PTPRT: variants seen among roughly 807,000 people sequenced by gnomAD.
PTPRT encodes the protein protein tyrosine phosphatase receptor type T, also known as receptor-type tyrosine-protein phosphatase T.
A neutral mutation model predicts 176.8 loss-of-function variants in PTPRT; 56 were observed. That is an observed-to-expected ratio of 0.32 (90% CI 0.26 to 0.40). The LOEUF is 0.40. Among genes scored for constraint, PTPRT ranks in the 10% least tolerant of loss-of-function variants. The pLI is 1.00. For missense variants in PTPRT, 1,540 were observed against 1,908.2 expected, an observed-to-expected ratio of 0.81 and a Z score of 3.60; for synonymous variants, 783 against 739.0, an observed-to-expected ratio of 1.06 and a Z score of -0.96.
chr20:42,751,969 G>C (rs2076776450), intron 6 of PTPRT, among the ~76,000 whole-genome samples: 1 of 151,928 alleles, frequency 6.6e-6, no homozygotes, highest in Non-Finnish European at 1.5e-5. Context: ...TATTACTTCT[G>C]TCCCTCTAGA....
the PTPRT span, among the ~76,000 whole-genome samples, chr20:42,034,562 C>T: frequency 6.6e-6 from 1 of 152,146 alleles, no homozygotes; most frequent in Non-Finnish European, 1.5e-5. Flanking sequence ...CTCACTGTTA[C>T]AAGGATCCTC....
At chr20:43,024,198 G>A (rs1985820429) in intron 1 of PTPRT, among the ~76,000 whole-genome samples, 1 of 152,202 alleles carries the variant, frequency 6.6e-6, no homozygotes, top group African/African-American at 2.4e-5. Context: ...GCATAATGGA[G>A]CAATACTAGT....
rs771479479 is a variant in PTPRT at position 42,248,746 on chromosome 20, G to A, written c.2253C>T (p.Ile751=). The part of the protein sequence containing the change: ...VDNTVKMAGV[I]AGLLMFIIIL... Reference sequence around the variant, plus strand: ...TGATGATGAACATGAGGAGGCCAGCGATCACGCCAGCCATCTTCACGGTGT... The same window carrying A: ...TGATGATGAACATGAGGAGGCCAGCAATCACGCCAGCCATCTTCACGGTGT... The change falls in exon 14 of 31, where the codon ATC becomes ATT. Residue 751 remains isoleucine, a synonymous_variant. Coordinates refer to ENST00000373187, the MANE Select transcript of PTPRT (RefSeq NM_007050.6). 1.3e-5 allele frequency: 21 copies of A among 1,613,920 alleles called. No individual in the cohort carries two copies. Among genetic ancestry groups the A allele is most frequent in the Middle Eastern group, 1.6e-4 (1 of 6,084 alleles).
intron 9 of PTPRT, among the ~76,000 whole-genome samples, chr20:42,418,811 G>A (rs1213958722): frequency 1.3e-5 from 2 of 152,136 alleles, no homozygotes; most frequent in Non-Finnish European, 2.9e-5. Context: ...AGGAGAGGCT[G>A]TCCTGGCTGT....
At position 43,041,137 on chromosome 20, in the gene PTPRT, C is replaced by T. The variant is rs116510683; in HGVS notation, c.88+148509G>A. ...GTTTGAGACCGTCTCCAATCACTTA[C>T]CAGTGAAGAAAACTAAGACTCGGAG... On this transcript the variant is annotated intron_variant, in intron 1 of 30. Transcript: ENST00000373187. 1.9e-3 allele frequency among the ~76,000 whole-genome samples: 291 copies of T among 152,298 alleles called. 1 individual carries two copies. Among genetic ancestry groups the T allele is most frequent in the African/African-American group, 6.8e-3 (284 of 41,564 alleles).
chr20:42,941,847 C>A (rs1980575399), intron 1 of PTPRT, among the ~76,000 whole-genome samples: 1 of 152,156 alleles, frequency 6.6e-6, no homozygotes, highest in Non-Finnish European at 1.5e-5. Flanking sequence ...TTTCATGTAG[C>A]TTTAATGGAT....
chr20:43,098,107 G>A (rs534313435), intron 1 of PTPRT, among the ~76,000 whole-genome samples: 9 of 152,240 alleles, frequency 5.9e-5, no homozygotes, highest in East Asian at 3.9e-4. Context: ...AGAGCCAGCC[G>A]GCCCAGCCAT....
chr20:43,170,007 A>C (rs914609347), intron 1 of PTPRT, among the ~76,000 whole-genome samples: 9 of 151,894 alleles, frequency 5.9e-5, no homozygotes, highest in African/African-American at 1.7e-4. Context: ...CTATTTACAC[A>C]ATGTCTGGTA....
the PTPRT span, among the ~76,000 whole-genome samples, chr20:42,052,993 C>T: frequency 1.3e-5 from 2 of 152,146 alleles, no homozygotes; most frequent in African/African-American, 2.4e-5. Context: ...TGTTGCAATG[C>T]GTCAACTCTG....
intron 7 of PTPRT, among the ~76,000 whole-genome samples, chr20:42,660,838 T>G (rs1261398605): frequency 1.3e-5 from 2 of 152,070 alleles, no homozygotes; most frequent in East Asian, 3.9e-4. Flanking sequence ...AAACAGTGTT[T>G]TTTGTTTGTT....
intron 7 of PTPRT, among the ~76,000 whole-genome samples, chr20:42,584,664 C>T (rs1422774611): frequency 6.6e-6 from 1 of 152,144 alleles, no homozygotes; most frequent in African/African-American, 2.4e-5. Context: ...TCTATTTAGA[C>T]CTCCTCTCCT....
At chr20:42,343,125 C>T (rs2058136674) in intron 11 of PTPRT, among the ~76,000 whole-genome samples, 2 of 152,162 alleles carry the variant, frequency 1.3e-5, no homozygotes, top group East Asian at 1.9e-4. Flanking sequence ...TCCTAACTGA[C>T]CTTGTAAAAG....
chr20:42,510,414 T>A (rs2071933329), intron 7 of PTPRT, among the ~76,000 whole-genome samples: 1 of 152,066 alleles, frequency 6.6e-6, no homozygotes, highest in Admixed American at 6.6e-5. Flanking sequence ...GGTTATAGTT[T>A]TAACTTCCAT....
intron 1 of PTPRT, among the ~76,000 whole-genome samples, chr20:42,988,444 G>C (rs1011831272): frequency 6.6e-6 from 1 of 152,198 alleles, no homozygotes; most frequent in Non-Finnish European, 1.5e-5. Context: ...CTCAGGGACA[G>C]GGTCATGGGA....
chr20:42,900,619 A>G (rs1352208509), intron 1 of PTPRT, among the ~76,000 whole-genome samples: 2 of 152,206 alleles, frequency 1.3e-5, no homozygotes, highest in Non-Finnish European at 2.9e-5. Flanking sequence ...TGAAATCTGC[A>G]TGGTGGGCCC....
At chr20:42,160,666 T>G (rs1171985509) in intron 17 of PTPRT, among the ~76,000 whole-genome samples, 1 of 152,110 alleles carries the variant, frequency 6.6e-6, no homozygotes, top group Non-Finnish European at 1.5e-5. Flanking sequence ...AGAACAACGT[T>G]GTATTGAGCT....
At chr20:42,834,231 C>T (rs1403700961) in intron 2 of PTPRT, among the ~76,000 whole-genome samples, 1 of 151,806 alleles carries the variant, frequency 6.6e-6, no homozygotes, top group Non-Finnish European at 1.5e-5. Flanking sequence ...GTACAGAAAG[C>T]AAATAAGAAT....
the PTPRT span, among the ~76,000 whole-genome samples, chr20:42,064,360 T>G: frequency 6.6e-6 from 1 of 152,230 alleles, no homozygotes; most frequent in Non-Finnish European, 1.5e-5. Context: ...TTAACTATAG[T>G]GATTGTGACT....
At chr20:42,663,663 GATATGCGGTCTGTGTATTT>G (rs1463165195) in intron 7 of PTPRT, among the ~76,000 whole-genome samples, 10 of 152,126 alleles carry the variant, frequency 6.6e-5, no homozygotes, top group Non-Finnish European at 1.5e-4. Context: ...GGCCCCAGCT[GATATGCGGTCTGTGTATTT>G]ATATTTCACA....
Sources: allele counts gnomAD v4.1 joint callset (sites outside exome capture counted in the v4.1 genomes callset), GRCh38; gene constraint gnomAD v4.1.1; transcripts MANE v1.5; gene names NCBI Gene and HGNC (gene_info 2026-07-23, HGNC 2026-07-21).